Variants in ZNF18 observed in about 807,000 individuals in gnomAD.
The protein encoded by ZNF18 is heart development-specific gene 1 protein.
A neutral mutation model predicts 58.1 loss-of-function variants in ZNF18; 42 were observed. The observed-to-expected ratio is 0.72, with a 90% CI of 0.56 to 0.93. ZNF18 has a LOEUF of 0.93. ZNF18 is among the 40% of genes least tolerant of loss of function. The pLI, the probability that ZNF18 is intolerant of heterozygous loss-of-function variation, is 0.00. For synonymous variants in ZNF18, 231 were observed against 239.8 expected (o/e 0.96, Z 0.34); for missense variants, 540 against 644.2 (o/e 0.84, Z 1.75).
the ZNF18 span, among the ~76,000 whole-genome samples, chr17:12,012,546 A>T: frequency 6.6e-6 from 1 of 152,226 alleles, no homozygotes; most frequent in South Asian, 2.1e-4. Flanking sequence ...CTTGTCCCCC[A>T]TTGAGCTGTG....
At chr17:12,001,849 A>G (rs1205058764), upstream of ZNF18, among the ~76,000 whole-genome samples, 2 of 152,052 alleles carry the variant, frequency 1.3e-5, no homozygotes, top group African/African-American at 4.8e-5. Context: ...ATTTTTAAAA[A>G]TCTATTATAA....
chr17:11,996,257 T>C (rs1350041653), intron 1 of ZNF18, among the ~76,000 whole-genome samples: 1 of 152,170 alleles, frequency 6.6e-6, no homozygotes, highest in Non-Finnish European at 1.5e-5. Flanking sequence ...AAAAAACGAA[T>C]AAATATATTT....
the ZNF18 span, among the ~76,000 whole-genome samples, chr17:12,003,129 G>A: frequency 6.6e-6 from 1 of 152,260 alleles, no homozygotes; most frequent in East Asian, 1.9e-4. Flanking sequence ...CATACATCAC[G>A]TTTTATGTGG....
chr17:12,012,382 T>A, the ZNF18 span, among the ~76,000 whole-genome samples: 1 of 152,254 alleles, frequency 6.6e-6, no homozygotes, highest in Non-Finnish European at 1.5e-5. Context: ...ACATTTAAGT[T>A]GATTCTAATA....
At chr17:12,000,838 T>C (rs1303307012), upstream of ZNF18, among the ~76,000 whole-genome samples, 1 of 152,194 alleles carries the variant, frequency 6.6e-6, no homozygotes, top group African/African-American at 2.4e-5. Context: ...CTTGACCTTA[T>C]AAGAGTGGTT....
intron 1 of ZNF18, chr17:11,995,701 A>G (rs977838608): frequency 6.6e-6 from 1 of 151,236 alleles, no homozygotes; most frequent in African/African-American, 2.4e-5. Context: ...AAAAAAAAAG[A>G]GTCAGTGAAG....
the ZNF18 span, among the ~76,000 whole-genome samples, chr17:12,019,481 C>A: frequency 1.9e-3 from 289 of 152,144 alleles, 1 homozygote; most frequent in African/African-American, 6.7e-3. Context: ...GCTGGGTGGG[C>A]TACTGATTTC....
At chr17:12,013,550 G>A in the ZNF18 span, among the ~76,000 whole-genome samples, 1 of 151,930 alleles carries the variant, frequency 6.6e-6, no homozygotes, top group African/African-American at 2.4e-5. Flanking sequence ...ACCTTTATTT[G>A]AGATCTCACC....
chr17:12,011,330 G>T, the ZNF18 span: 1 of 207,162 alleles, frequency 4.8e-6, no homozygotes, highest in Non-Finnish European at 9.8e-6. Flanking sequence ...TCATAAGAAT[G>T]TTTATTTAAC....
chr17:12,020,929 G>A, the ZNF18 span: 102 of 1,217,370 alleles, frequency 8.4e-5, no homozygotes, highest in Admixed American at 3.9e-4. Flanking sequence ...CTCCGGGGGC[G>A]GCAGCGGCAG....
At chr17:12,012,763 C>T in the ZNF18 span, among the ~76,000 whole-genome samples, 7 of 152,132 alleles carry the variant, frequency 4.6e-5, no homozygotes, top group African/African-American at 9.7e-5. Flanking sequence ...GCAGCTTTGA[C>T]GTCCTGGGCT....
At chr17:11,996,517 G>T (rs1968478080) in intron 1 of ZNF18, among the ~76,000 whole-genome samples, 2 of 151,792 alleles carry the variant, frequency 1.3e-5, no homozygotes, top group Admixed American at 1.3e-4. Context: ...AAAATGTCTC[G>T]ATTATTCAAA....
chr17:11,998,334 G>A (rs1725443355), upstream of ZNF18: 1 of 152,202 alleles, frequency 6.6e-6, no homozygotes, highest in South Asian at 2.1e-4. Flanking sequence ...ATTAATGGAA[G>A]TATCATGTCA....
chr17:12,014,681 TAA>T, the ZNF18 span, among the ~76,000 whole-genome samples: 1 of 152,204 alleles, frequency 6.6e-6, no homozygotes, highest in Non-Finnish European at 1.5e-5. Context: ...GCAAAGGGTA[TAA>T]AGTTTCCTTT....
chr17:11,992,602 G>A lies in ZNF18; in HGVS notation c.228C>T (p.Thr76=), dbSNP rs779260620. 6.8e-5 allele frequency: 110 copies of A among 1,614,092 alleles called. No individual in the cohort carries two copies. The highest frequency in any genetic ancestry group is 9.2e-5 in the Non-Finnish European group (108 of 1,180,052). ...TGAGGATCTCTAGGATCTGCTCTTT[G>A]GTGTGAACCTCTGGCTGTAGCCACT... The part of the protein sequence containing the change: ...CFQWLQPEVH[T]KEQILEILML... The change falls in exon 2 of 7, where the codon ACC becomes ACT. Residue 76 remains threonine, a synonymous_variant. Transcript: ENST00000580306.
the ZNF18 span, chr17:12,021,101 C>T: frequency 6.2e-6 from 4 of 644,366 alleles, no homozygotes; most frequent in South Asian, 3.1e-4. Flanking sequence ...GCTGAGGAAG[C>T]CACGGCAGCC....
upstream of ZNF18, chr17:11,997,574 G>A (rs1385732500): frequency 2.6e-5 from 4 of 152,226 alleles, no homozygotes; most frequent in Admixed American, 6.5e-5. Flanking sequence ...TTGGCCGTCG[G>A]GGACGCCCCG....
chr17:12,020,734 G>T, the ZNF18 span: 8 of 379,080 alleles, frequency 2.1e-5, no homozygotes, highest in Non-Finnish European at 3.7e-5. Flanking sequence ...CGGGCTGCGC[G>T]TCGGGCTCTG....
the ZNF18 span, among the ~76,000 whole-genome samples, chr17:12,004,272 C>T: frequency 1.3e-5 from 2 of 151,210 alleles, no homozygotes. Context: ...TTCACTTATT[C>T]AACATATTGA....
Sources: allele counts gnomAD v4.1 joint callset (sites outside exome capture counted in the v4.1 genomes callset), GRCh38; gene constraint gnomAD v4.1.1; transcripts MANE v1.5; gene names NCBI Gene and HGNC (gene_info 2026-07-23, HGNC 2026-07-21).